ZNF66: variants seen among roughly 807,000 people sequenced by gnomAD.
ZNF66 encodes the protein putative zinc finger protein 66.
A neutral mutation model predicts 35.2 loss-of-function variants in ZNF66; 32 were observed. The observed-to-expected ratio is 0.91, with a 90% CI of 0.69 to 1.22. The LOEUF is 1.22. Ranked by LOEUF, ZNF66 falls within the 50% of genes most tolerant of loss-of-function variation. The pLI is 0.00. For synonymous variants in ZNF66, 231 were observed against 181.3 expected, an observed-to-expected ratio of 1.27 and a Z score of -2.20; for missense variants, 666 against 543.1, an observed-to-expected ratio of 1.23 and a Z score of -2.25.
chr19:20,795,721 C>T (rs567637117), intron 3 of ZNF66, among the ~76,000 whole-genome samples: 1 of 152,258 alleles, frequency 6.6e-6, no homozygotes, highest in South Asian at 2.1e-4. Context: ...GCTCAGGTAA[C>T]TGAAACTGAG....
intron 1 of ZNF66, among the ~76,000 whole-genome samples, chr19:20,783,324 G>A (rs918358550): frequency 7.2e-5 from 11 of 152,182 alleles, no homozygotes; most frequent in African/African-American, 2.6e-4. Flanking sequence ...TATTTAAAAA[G>A]TTCCAAAACA....
At chr19:20,796,802 C>A (rs1319146278) in intron 3 of ZNF66, among the ~76,000 whole-genome samples, 2 of 152,090 alleles carry the variant, frequency 1.3e-5, no homozygotes, top group African/African-American at 4.8e-5. Context: ...TTCAAAATAC[C>A]TGCATTTAGT....
At chr19:20,783,237 CTCTT>C (rs752570164) in intron 1 of ZNF66, among the ~76,000 whole-genome samples, 13 of 152,126 alleles carry the variant, frequency 8.5e-5, no homozygotes, top group Admixed American at 3.3e-4. Context: ...ACATCTTTCT[CTCTT>C]CTCCTTTTTC....
chr19:20,804,906 A>AC (rs1971485000), intron 3 of ZNF66, among the ~76,000 whole-genome samples: 1 of 152,168 alleles, frequency 6.6e-6, no homozygotes, highest in Non-Finnish European at 1.5e-5. Flanking sequence ...GTAGGGCAGT[A>AC]TCTCTGCTTC....
chr19:20,777,541 C>T (rs1256631710), intron 1 of ZNF66, among the ~76,000 whole-genome samples: 20 of 150,016 alleles, frequency 1.3e-4, no homozygotes, highest in African/African-American at 2.5e-5. Context: ...TTTTCACATC[C>T]CACAGGGGAC....
At chr19:20,797,433 C>T (rs1403351151) in intron 3 of ZNF66, among the ~76,000 whole-genome samples, 1 of 124,078 alleles carries the variant, frequency 8.1e-6, no homozygotes, top group African/African-American at 3.0e-5. Context: ...GTCTCGATCT[C>T]CTGACCTCGT....
At chr19:20,776,497 C>T (rs781122747) in intron 1 of ZNF66, 47 bp downstream of exon 1, 6 of 1,518,884 alleles carry the variant, frequency 4.0e-6, no homozygotes, top group Non-Finnish European at 4.6e-6. Context: ...GTGTCTGTGG[C>T]GGGACTCAGG....
intron 1 of ZNF66, among the ~76,000 whole-genome samples, chr19:20,776,787 T>C (rs1478286330): frequency 6.6e-6 from 1 of 152,054 alleles, no homozygotes; most frequent in Admixed American, 6.5e-5. Flanking sequence ...AGAGCTTTGG[T>C]CTGTGGGGTT....
chr19:20,783,884 T>A (rs1971265383), intron 1 of ZNF66, among the ~76,000 whole-genome samples: 1 of 152,204 alleles, frequency 6.6e-6, no homozygotes, highest in Non-Finnish European at 1.5e-5. Flanking sequence ...TGAGACAGAC[T>A]CTCACTCTGT....
intron 3 of ZNF66, chr19:20,799,120 G>A (rs1350207764): frequency 1.4e-5 from 2 of 140,526 alleles, no homozygotes; most frequent in African/African-American, 5.3e-5. Flanking sequence ...AAAGTGCAGT[G>A]GTGCGATCTC....
chr19:20,790,546 T>C (rs1971327344), intron 1 of ZNF66, among the ~76,000 whole-genome samples: 1 of 131,734 alleles, frequency 7.6e-6, no homozygotes, highest in Non-Finnish European at 1.7e-5. Flanking sequence ...TTCATCTTCA[T>C]GGAGCAGCTC....
rs753755025 is a variant in ZNF66, at chr19:20,792,683, T to G, written c.130+45T>G. 10 of 1,057,936 alleles carry G rather than the reference T, an allele frequency of 9.5e-6. No individual in the cohort carries two copies. The East Asian group carries it at 2.6e-4, about 27-fold the overall frequency. 65.5% of individuals were successfully genotyped at this position (1,057,936 alleles called of 1,614,324 possible). A position where few individuals can be genotyped will look rare whatever the true frequency, so the allele number is the denominator to read the frequency against. ...ATAACTCATAATATACACAAATTGT[T>G]TTATTTCTCTTTTTTGTAGAATGTT... On this transcript the variant is annotated intron_variant, in intron 2 of 3. Transcript: ENST00000344519.
At position 20,808,652 on chromosome 19, in the gene ZNF66, AAACT is replaced by A. The variant is rs1357777975; in HGVS notation, c.*1334_*1337del. Among the ~76,000 whole-genome samples, 9 of 152,178 alleles carry A rather than the reference AAACT, an allele frequency of 5.9e-5. No individual in the cohort carries two copies. The highest frequency in any genetic ancestry group is 2.2e-4 in the African/African-American group (9 of 41,442). On this transcript the variant is annotated 3_prime_UTR_variant, in exon 4 of 4. Coordinates refer to ENST00000344519, the MANE Select transcript of ZNF66 (RefSeq NM_001355197.2). ...CTGAGGGTCCTGTCTGTTAGAAGGA[AAACT>A]AACAAACAGAAAGGACATCCACACC... is the stretch of plus-strand genomic sequence containing the variant.
chr19:20,783,175 C>T (rs1300855793), intron 1 of ZNF66, among the ~76,000 whole-genome samples: 1 of 152,088 alleles, frequency 6.6e-6, no homozygotes, highest in Non-Finnish European at 1.5e-5. Context: ...GGCATTATTT[C>T]TGGGCTCTCT....
At chr19:20,796,610 T>C (rs1971394966) in intron 3 of ZNF66, among the ~76,000 whole-genome samples, 1 of 152,190 alleles carries the variant, frequency 6.6e-6, no homozygotes, top group Non-Finnish European at 1.5e-5. Context: ...GTAAGGCTAC[T>C]CTTTGCTTCT....
At position 20,806,155 on chromosome 19, in the gene ZNF66, C is replaced by T. The variant is rs762197934; in HGVS notation, c.555C>T (p.Ser185=). The change falls in exon 4 of 4, where the codon TCC becomes TCT. Residue 185 remains serine (S), a synonymous_variant. Transcript: ENST00000344519. ...FTECGKAFNR[S]STFTTHKKIH... is the part of the protein sequence containing the mutation. ...AATGTGGCAAAGCTTTTAACCGGTC[C>T]TCAACCTTTACTACACATAAGAAAA... The T allele has an allele frequency of 2.5e-6, 3 of 1,216,766 alleles. No homozygotes were observed. Among genetic ancestry groups the T allele is most frequent in the Non-Finnish European group, 3.7e-6 (3 of 820,566 alleles). The allele number at this position is 1,216,766 out of a possible 1,614,324, so 75.4% of individuals were successfully genotyped here.
intron 1 of ZNF66, chr19:20,784,658 G>A (rs1971271847): frequency 1.3e-5 from 2 of 152,180 alleles, no homozygotes; most frequent in Non-Finnish European, 2.9e-5. Flanking sequence ...TCAATGGCTA[G>A]AAGATGAGAC....
intron 1 of ZNF66, among the ~76,000 whole-genome samples, chr19:20,779,308 C>T (rs1165023039): frequency 4.6e-5 from 7 of 151,946 alleles, no homozygotes; most frequent in African/African-American, 1.7e-4. Context: ...CAGAAAAGGG[C>T]TTTCTTTTTT....
rs974389748 is a variant in ZNF66 at position 20,809,201 on chromosome 19, T to C, written c.*1879T>C. 2.6e-5 allele frequency among the ~76,000 whole-genome samples: 4 copies of C among 152,184 alleles called. No homozygotes were observed. The highest frequency in any genetic ancestry group is 9.7e-5 in the African/African-American group (4 of 41,450). On this transcript the variant is annotated 3_prime_UTR_variant, in exon 4 of 4. Transcript: ENST00000344519. ...TATGTGAAAAGACCAAATCTACCTC[T>C]GATTGGTGTACCTGAAAGTGAGGGG...
Sources: gnomAD v4.1 joint callset for allele counts (sites outside exome capture counted in the v4.1 genomes callset) on GRCh38, gnomAD v4.1.1 for gene constraint, MANE v1.5 for transcripts, NCBI Gene and HGNC (gene_info 2026-07-23, HGNC 2026-07-21) for gene names.